Variants in MGMT observed in about 807,000 individuals in gnomAD.
MGMT encodes methylated-DNA--protein-cysteine methyltransferase.
Under a neutral mutation model 15.9 loss-of-function variants are expected in MGMT, and 14 were observed. That is an observed-to-expected ratio of 0.88 (90% CI 0.58 to 1.37). The LOEUF (loss-of-function observed/expected upper bound fraction) is 1.37, where lower values mean the gene tolerates loss of function less well. Among genes scored for constraint, MGMT ranks in the 40% most tolerant of loss-of-function variants. MGMT has a pLI of 0.00. For synonymous variants in MGMT, 130 were observed against 118.2 expected (o/e 1.10, Z -0.65); for missense variants, 282 against 268.1 (o/e 1.05, Z -0.36).
intron 3 of MGMT, among the ~76,000 whole-genome samples, chr10:129,732,606 T>C (rs1481122994): frequency 1.3e-5 from 2 of 151,768 alleles, no homozygotes; most frequent in Non-Finnish European, 2.9e-5. Flanking sequence ...GTGCATAATG[T>C]GCAGGTTAGT....
intron 2 of MGMT, among the ~76,000 whole-genome samples, chr10:129,599,090 C>T (rs773808510): frequency 6.6e-6 from 1 of 152,200 alleles, no homozygotes; most frequent in Non-Finnish European, 1.5e-5. Context: ...AATCGAGCAG[C>T]CTCCCAAAGC....
intron 2 of MGMT, among the ~76,000 whole-genome samples, chr10:129,607,775 A>G (rs1195895847): frequency 1.3e-5 from 2 of 152,266 alleles, no homozygotes; most frequent in Non-Finnish European, 2.9e-5. Flanking sequence ...AGGGAAATGC[A>G]GAATTAGAAA....
At chr10:129,670,727 C>G (rs1279810971) in intron 2 of MGMT, among the ~76,000 whole-genome samples, 2 of 152,060 alleles carry the variant, frequency 1.3e-5, no homozygotes, top group Admixed American at 6.6e-5. Context: ...AACAGTTATG[C>G]CAGTAAATGT....
intron 2 of MGMT, among the ~76,000 whole-genome samples, chr10:129,642,572 A>C (rs1183020233): frequency 1.3e-5 from 2 of 152,226 alleles, no homozygotes; most frequent in African/African-American, 4.8e-5. Context: ...GTGTGAGTCA[A>C]CATGTCTGGC....
intron 2 of MGMT, among the ~76,000 whole-genome samples, chr10:129,669,196 T>C (rs924892298): frequency 2.0e-5 from 3 of 152,178 alleles, no homozygotes; most frequent in African/African-American, 7.2e-5. Context: ...TTTGTTTTAC[T>C]GCAATTTTTT....
intron 3 of MGMT, among the ~76,000 whole-genome samples, chr10:129,739,920 G>C (rs964368): frequency 0.34 from 51,920 of 152,006 alleles, 9,518 homozygotes; most frequent in East Asian, 0.58. Context: ...CAGGTCAGAG[G>C]CCCTACATCC....
chr10:129,564,676 T>TCCTTCCTCCCCCTCCTCC (rs1846331752), intron 2 of MGMT, among the ~76,000 whole-genome samples: 1 of 102,646 alleles, frequency 9.7e-6, no homozygotes, highest in African/African-American at 3.9e-5. Context: ...CCCCCTCCTC[T>TCCTTCCTCCCCCTCCTCC]CCTTCCTCCT....
chr10:129,639,260 C>CA lies in MGMT; in HGVS notation c.126-68628dup, dbSNP rs201931066. 6.2e-3 allele frequency among the ~76,000 whole-genome samples: 944 copies of CA among 151,968 alleles called. 10 individuals carry two copies. The highest frequency in any genetic ancestry group is 7.1e-3 in the Non-Finnish European group (480 of 67,916). On this transcript the variant is annotated intron_variant, in intron 2 of 4. Coordinates refer to ENST00000651593, the MANE Select transcript of MGMT (RefSeq NM_002412.5). ...TTAGCATTAGATGATGTATATTCTA[C>CA]AAAAAAAGTTACTAGGGTTAAAGAG...
At chr10:129,746,253 A>AC (rs1848694623) in intron 3 of MGMT, among the ~76,000 whole-genome samples, 1 of 147,450 alleles carries the variant, frequency 6.8e-6, no homozygotes, top group African/African-American at 2.6e-5. Context: ...AAAAAAAAAA[A>AC]AACAAACAAA....
intron 2 of MGMT, among the ~76,000 whole-genome samples, chr10:129,639,070 G>A (rs562239196): frequency 6.6e-6 from 1 of 152,178 alleles, no homozygotes; most frequent in Admixed American, 6.5e-5. Context: ...TATAGCCATG[G>A]AAGTATACAT....
At chr10:129,555,098 C>A (rs571409786) in intron 2 of MGMT, among the ~76,000 whole-genome samples, 1 of 152,220 alleles carries the variant, frequency 6.6e-6, no homozygotes, top group Non-Finnish European at 1.5e-5. Flanking sequence ...ATGAGGATGA[C>A]GATGGTGCTA....
intron 2 of MGMT, among the ~76,000 whole-genome samples, chr10:129,612,061 A>C (rs1846967532): frequency 6.6e-6 from 1 of 150,790 alleles, no homozygotes; most frequent in Non-Finnish European, 1.5e-5. Flanking sequence ...AAATACATTA[A>C]GAAATACATT....
At chr10:129,580,823 G>A (rs984615946) in intron 2 of MGMT, among the ~76,000 whole-genome samples, 2 of 152,208 alleles carry the variant, frequency 1.3e-5, no homozygotes, top group South Asian at 2.1e-4. Flanking sequence ...GTGTGCTTCC[G>A]TTTTGTTGAG....
chr10:129,547,004 G>T (rs1846104713), intron 2 of MGMT, among the ~76,000 whole-genome samples: 1 of 152,190 alleles, frequency 6.6e-6, no homozygotes, highest in Admixed American at 6.5e-5. Context: ...TGTTCTTGGA[G>T]CTCTGTGTCA....
At chr10:129,623,511 T>C (rs1386660284) in intron 2 of MGMT, among the ~76,000 whole-genome samples, 2 of 152,148 alleles carry the variant, frequency 1.3e-5, no homozygotes, top group Non-Finnish European at 2.9e-5. Context: ...TTCTAACATA[T>C]ATATAACCTT....
intron 3 of MGMT, among the ~76,000 whole-genome samples, chr10:129,737,182 A>G (rs1848573354): frequency 6.6e-6 from 1 of 152,120 alleles, no homozygotes; most frequent in African/African-American, 2.4e-5. Flanking sequence ...TCTCCCTGTC[A>G]CTTTCAGGTA....
At chr10:129,570,393 A>C (rs1025612882) in intron 2 of MGMT, among the ~76,000 whole-genome samples, 2 of 152,264 alleles carry the variant, frequency 1.3e-5, no homozygotes, top group African/African-American at 4.8e-5. Context: ...AATATGCTGC[A>C]GATCCGGGGC....
intron 3 of MGMT, among the ~76,000 whole-genome samples, chr10:129,725,286 C>T (rs906463502): frequency 2.0e-5 from 3 of 152,234 alleles, no homozygotes; most frequent in Admixed American, 6.5e-5. Context: ...ACAGGGTGCC[C>T]ATCCTCAGAG....
chr10:129,564,385 C>T (rs1230631353), intron 2 of MGMT, among the ~76,000 whole-genome samples: 1 of 51,646 alleles, frequency 1.9e-5, no homozygotes, highest in Non-Finnish European at 4.0e-5. Context: ...TTCCTCTCCC[C>T]TCCCCCTCCT....
Sources: allele counts gnomAD v4.1 joint callset (sites outside exome capture counted in the v4.1 genomes callset), GRCh38; gene constraint gnomAD v4.1.1; transcripts MANE v1.5; gene names NCBI Gene and HGNC (gene_info 2026-07-23, HGNC 2026-07-21).